POP4: variants seen among roughly 807,000 people sequenced by gnomAD.
The protein encoded by POP4 is ribonuclease P protein subunit p29.
A neutral mutation model predicts 29.9 loss-of-function variants in POP4; 31 were observed. The observed-to-expected ratio is 1.04, with a 90% CI of 0.78 to 1.40. The LOEUF (loss-of-function observed/expected upper bound fraction) is 1.40. POP4 is among the 40% of genes most tolerant of loss of function. The pLI, the probability that POP4 is intolerant of heterozygous loss-of-function variation, is 0.00. For missense variants in POP4, 286 were observed against 282.7 expected (o/e 1.01, Z -0.08); for synonymous variants, 110 against 108.2 (o/e 1.02, Z -0.10).
At chr19:29,607,171 C>T (rs546261692) in intron 1 of POP4, among the ~76,000 whole-genome samples, 14 of 152,040 alleles carry the variant, frequency 9.2e-5, no homozygotes, top group East Asian at 3.9e-4. Context: ...TGGTGGGACA[C>T]GCCTGTGGTC....
At chr19:29,611,536 C>CCGTATCA in intron 3 of POP4, 2 of 261,112 alleles carry the variant, frequency 7.7e-6, no homozygotes, top group South Asian at 4.4e-5. Flanking sequence ...TTACTGGGGG[C>CCGTATCA]TTACTAGGTT....
At chr19:29,609,061 T>G (rs1295442331) in intron 2 of POP4, 1 of 194,510 alleles carries the variant, frequency 5.1e-6, no homozygotes, top group Non-Finnish European at 1.0e-5. Context: ...TCACATATCA[T>G]AAGTGAAATT....
intron 2 of POP4, chr19:29,608,961 G>C: frequency 2.3e-6 from 1 of 438,956 alleles, no homozygotes; most frequent in Non-Finnish European, 4.1e-6. Context: ...ATTTCCCACT[G>C]TGTTGGGGAC....
chr19:29,615,207 T>C (rs1568296035), intron 6 of POP4, 37 bp from the exon 7 acceptor site: 3 of 1,512,528 alleles, frequency 2.0e-6, no homozygotes, highest in South Asian at 1.3e-5. Flanking sequence ...TTTTTCCTCA[T>C]CTTTTTTTCT....
intron 2 of POP4, 22 bp from the exon 3 acceptor site, chr19:29,610,387 G>A (rs1001844033): frequency 9.1e-6 from 14 of 1,535,948 alleles, no homozygotes; most frequent in Non-Finnish European, 1.1e-5. Context: ...AGTGAGCGCC[G>A]CACCCCCTTG....
Position 29,611,955 on chromosome 19 carries a change from G to A in POP4, c.362+16G>A. On this transcript the variant is annotated intron_variant, in intron 4 of 6. Transcript: ENST00000585603. The stretch of plus-strand genomic sequence containing the variant: ...AGCCAGACACGTAAGTTGCATTCCT[G>A]AAGCTTTGCTCTTTGGGGTGGATCT... The A allele has an allele frequency of 6.2e-7, 1 of 1,611,482 alleles. No homozygotes were observed. Among genetic ancestry groups the A allele is most frequent in the Non-Finnish European group, 8.5e-7 (1 of 1,177,564 alleles).
At chr19:29,610,266 G>A in intron 2 of POP4, 143 bp from the exon 3 acceptor site, 1 of 688,106 alleles carries the variant, frequency 1.5e-6, no homozygotes, top group South Asian at 1.9e-5. Context: ...CATGGCGGAT[G>A]AGCAGGTTGA....
Position 29,611,878 on chromosome 19 carries a change from C to T in POP4, c.301C>T (p.Pro101Ser). Residue 101 changes from proline to serine, a missense_variant, in exon 4 of 7, where the codon CCT becomes TCT. Coordinates refer to ENST00000585603, the MANE Select transcript of POP4 (RefSeq NM_006627.3). ...PEQQRYSLFL[P>S]LHELWKQYIR... ...TTGCTGCAGATACAGCCTTTTCCTC[C>T]CTCTCCATGAACTCTGGAAACAGTA... is the stretch of plus-strand genomic sequence containing the variant. The T allele has an allele frequency of 6.2e-7, 1 of 1,614,162 alleles. No individual in the cohort carries two copies. Among genetic ancestry groups the T allele is most frequent in the Non-Finnish European group, 8.5e-7 (1 of 1,180,016 alleles).
rs773880833 is a variant in POP4, at chr19:29,612,087, G to A, written c.363-30G>A. 14 of 1,598,522 alleles carry A rather than the reference G, an allele frequency of 8.8e-6. No homozygotes were observed. In the South Asian group the frequency reaches 1.6e-4, roughly 18 times the overall value. On this transcript the variant is annotated intron_variant, in intron 4 of 6. Transcript: ENST00000585603. ...TTCTTTTGGAACTTTTTATCATGAT[G>A]TAAACCAAGGGCTTCTGTTTACCCT...
intron 5 of POP4, 98 bp downstream of exon 5, chr19:29,612,276 A>C: frequency 8.6e-7 from 1 of 1,162,366 alleles, no homozygotes; most frequent in Non-Finnish European, 1.2e-6. Flanking sequence ...CACACTCTTT[A>C]CCGTGTGGAT....
chr19:29,611,650 G>A, intron 3 of POP4: 1 of 567,834 alleles, frequency 1.8e-6, no homozygotes. Context: ...GCCCTGGGCT[G>A]GTGTGGTCCT....
chr19:29,610,573 CCT>C lies in POP4; in HGVS notation c.230_231del (p.Ser77CysfsTer11), dbSNP rs749493366. 1 of 1,614,212 alleles carries C rather than the reference CCT, an allele frequency of 6.2e-7. No individual in the cohort carries two copies. The highest frequency in any genetic ancestry group is 1.7e-5 in the Admixed American group (1 of 60,030). On this transcript the variant is annotated frameshift_variant, in exon 3 of 7. Coordinates refer to ENST00000585603, the MANE Select transcript of POP4 (RefSeq NM_006627.3). LOFTEE classifies it high-confidence loss of function. ...RKEKKKKAKG[L>X]SARQRRELRL... ...AGGAGAAGAAGAAGAAAGCCAAAGG[CCT>C]CTCTGCCAGGCAAAGGAGGGAGCTG... is the stretch of plus-strand genomic sequence containing the variant.
Position 29,610,555 on chromosome 19 carries a change from G to T in POP4, c.207G>T (p.Lys69Asn), listed in dbSNP as rs777777758. Residue 69 changes from lysine (K) to asparagine (N), a missense_variant, in exon 3 of 7, where the codon AAG becomes AAT. Physicochemically the swap from Lys to Asn is moderately conservative, Grantham distance 94. Transcript: ENST00000585603. ...TCACCCGCCACAAGCGCAAGGAGAAGAAGAAGAAAGCCAAAGGCCTCTCTG... is the reference window on the plus strand; with the variant it reads ...TCACCCGCCACAAGCGCAAGGAGAATAAGAAGAAAGCCAAAGGCCTCTCTG... ...EYFTRHKRKE[K>N]KKKAKGLSAR... The T allele has an allele frequency of 7.4e-6, 12 of 1,614,106 alleles. No individual in the cohort carries two copies. In the East Asian group the frequency reaches 2.7e-4, roughly 36 times the overall value.
intron 1 of POP4, among the ~76,000 whole-genome samples, chr19:29,608,262 C>CTTTTCTTTTTTTTTTTTTTT (rs1491529433): frequency 4.6e-5 from 4 of 86,578 alleles, no homozygotes; most frequent in Middle Eastern, 9.4e-3. Context: ...CTTTTCTTTT[C>CTTTTCTTTTTTTTTTTTTTT]TTTTTTTTTT....
At chr19:29,607,206 G>A (rs1971008415) in intron 1 of POP4, among the ~76,000 whole-genome samples, 1 of 152,062 alleles carries the variant, frequency 6.6e-6, no homozygotes, top group Admixed American at 6.6e-5. Context: ...GGCTGAGGCA[G>A]GGGGATCACT....
intron 2 of POP4, chr19:29,608,969 G>A (rs116540549): frequency 2.4e-6 from 1 of 409,124 alleles, no homozygotes; most frequent in African/African-American, 2.0e-5. Flanking sequence ...CTGTGTTGGG[G>A]ACACCAGGCT....
Position 29,613,874 on chromosome 19 carries a change from C to A in POP4, c.428C>A (p.Thr143Lys), listed in dbSNP as rs781414590. ...ADLHGAIISVTKSKCPSYVGI... is the reference protein window; with the variant it reads ...ADLHGAIISVKKSKCPSYVGI... ...GAACTGTCCTTTTTCTTTGCAGTGACAAAATCCAAATGCCCCTCTTATGTG... is the reference window on the plus strand; with the variant it reads ...GAACTGTCCTTTTTCTTTGCAGTGAAAAAATCCAAATGCCCCTCTTATGTG... Residue 143 changes from threonine to lysine, a missense_variant, in exon 6 of 7, where the codon ACA (threonine) becomes AAA (lysine). Coordinates refer to ENST00000585603, the MANE Select transcript of POP4 (RefSeq NM_006627.3). The A allele has an allele frequency of 6.2e-7, 1 of 1,611,798 alleles. No individual in the cohort carries two copies. Among genetic ancestry groups the A allele is most frequent in the Admixed American group, 1.7e-5 (1 of 59,450 alleles).
Position 29,616,820 on chromosome 19 carries a change from GCA to G in POP4, c.*1444_*1445del, listed in dbSNP as rs1272643845. The G allele has an allele frequency of 6.6e-6, 1 of 152,334 alleles. No homozygotes were observed. The highest frequency in any genetic ancestry group is 6.5e-5 in the Admixed American group (1 of 15,278). The allele number at this position is 152,334 out of a possible 1,614,324, so 9.4% of individuals were successfully genotyped here. On this transcript the variant is annotated 3_prime_UTR_variant, in exon 7 of 7. Coordinates refer to ENST00000585603, the MANE Select transcript of POP4 (RefSeq NM_006627.3). ...CACGGGCTAGGCACATGGAGCCCAA[GCA>G]CACTGCCACCTCGGACACGGGCCCC...
intron 2 of POP4, among the ~76,000 whole-genome samples, chr19:29,609,924 C>T (rs528531987): frequency 1.3e-5 from 2 of 152,298 alleles, no homozygotes; most frequent in Middle Eastern, 3.4e-3. Context: ...AGGGTCCCTG[C>T]GCCCTGAGGC....
Sources: gnomAD v4.1 joint callset for allele counts (sites outside exome capture counted in the v4.1 genomes callset) on GRCh38, gnomAD v4.1.1 for gene constraint, MANE v1.5 for transcripts, NCBI Gene and HGNC (gene_info 2026-07-23, HGNC 2026-07-21) for gene names.